The following TMEM184C variants were observed in gnomAD, a reference collection of about 807,000 sequenced individuals.
The protein encoded by TMEM184C is transmembrane protein 184C.
Under a neutral mutation model 54.5 loss-of-function variants are expected in TMEM184C, and 25 were observed. The observed-to-expected ratio is 0.46, with a 90% CI of 0.33 to 0.64. TMEM184C has a LOEUF of 0.64. Ranked by LOEUF, TMEM184C falls within the 30% of genes least tolerant of loss-of-function variation. The pLI, the probability that TMEM184C is intolerant of heterozygous loss-of-function variation, is 0.02. For synonymous variants in TMEM184C, 148 were observed against 181.5 expected (o/e 0.82, Z 1.49); for missense variants, 335 against 520.3 (o/e 0.64, Z 3.46).
At position 147,624,353 on chromosome 4, in the gene TMEM184C, A is replaced by G. The variant is rs189778122; in HGVS notation, c.291+255A>G. Among the ~76,000 whole-genome samples the G allele has an allele frequency of 3.0e-3, 453 of 150,242 alleles. 2 individuals carry two copies. The highest frequency in any genetic ancestry group is 0.014 in the Middle Eastern group (4 of 288). On this transcript the variant is annotated intron_variant, in intron 3 of 9. Transcript: ENST00000296582. ...ATTGTTAAAGAATGTAATATTTTAA[A>G]TTAATATACTACTCTTTTTATTTAT... is the stretch of plus-strand genomic sequence containing the variant.
intron 1 of TMEM184C, among the ~76,000 whole-genome samples, chr4:147,623,509 G>T (rs1578857930): frequency 6.7e-6 from 1 of 149,122 alleles, no homozygotes. Flanking sequence ...ATTGTAAACT[G>T]CTCAACCCTT....
At position 147,617,829 on chromosome 4, in the gene TMEM184C, C is replaced by T. The variant is rs1176287623; in HGVS notation, c.-128C>T. The stretch of plus-strand genomic sequence containing the variant: ...GGTCCAGGAGGCGGCTCGAGCTGTT[C>T]GTAAAGTCGCCCGACAGCTTTTTCT... On this transcript the variant is annotated 5_prime_UTR_variant, in exon 1 of 10. Transcript: ENST00000296582. 9 of 1,371,150 alleles carry T rather than the reference C, an allele frequency of 6.6e-6. No individual in the cohort carries two copies. The highest frequency in any genetic ancestry group is 8.2e-6 in the Non-Finnish European group (8 of 977,246). 84.9% of individuals were successfully genotyped at this position (1,371,150 alleles called of 1,614,324 possible).
intron 1 of TMEM184C, among the ~76,000 whole-genome samples, chr4:147,619,948 C>A (rs1411562338): frequency 1.3e-5 from 2 of 152,188 alleles, no homozygotes. Context: ...CAAGGTCCAA[C>A]ATGATCTGAC....
intron 7 of TMEM184C, 77 bp from the exon 8 acceptor site, chr4:147,632,826 T>C: frequency 1.5e-6 from 2 of 1,373,126 alleles, no homozygotes; most frequent in Non-Finnish European, 2.0e-6. Flanking sequence ...GGATTTTTTT[T>C]TAATGGCACA....
At chr4:147,623,175 G>A (rs1732742888) in intron 1 of TMEM184C, among the ~76,000 whole-genome samples, 1 of 152,244 alleles carries the variant, frequency 6.6e-6, no homozygotes, top group African/African-American at 2.4e-5. Context: ...GGCCGTGCAC[G>A]GTGGCTCATG....
In TMEM184C at chr4:147,632,820, T is replaced by C. The variant is rs1732940987; in HGVS notation, c.780-83T>C. On this transcript the variant is annotated intron_variant, in intron 7 of 9. Transcript: ENST00000296582. ...TGGTGGTACACAGGTTGCACTGGATTTTTTTTTAATGGCACATTTTTAAAA... is the reference window on the plus strand; with the variant it reads ...TGGTGGTACACAGGTTGCACTGGATCTTTTTTTAATGGCACATTTTTAAAA... 3.9e-6 allele frequency: 5 copies of C among 1,289,548 alleles called. 1 individual carries two copies. In the Middle Eastern group the frequency reaches 9.5e-4, roughly 246 times the overall value. 79.9% of individuals were successfully genotyped at this position (1,289,548 alleles called of 1,614,324 possible). A position where few individuals can be genotyped will look rare whatever the true frequency, so the allele number is the denominator to read the frequency against.
Position 147,635,385 on chromosome 4 carries a change from T to G in TMEM184C, c.*951T>G, listed in dbSNP as rs1465847733. The stretch of plus-strand genomic sequence containing the variant: ...GCAGCAAATGTAAATCTTGGCTGAA[T>G]GGTCTTAATTACTCATTAAACCACA... On this transcript the variant is annotated 3_prime_UTR_variant, in exon 10 of 10. Transcript: ENST00000296582. 2 of 152,234 alleles carry G rather than the reference T, an allele frequency of 1.3e-5. No individual in the cohort carries two copies. The highest frequency in any genetic ancestry group is 2.9e-5 in the Non-Finnish European group (2 of 68,052). 9.4% of individuals were successfully genotyped at this position (152,234 alleles called of 1,614,324 possible).
chr4:147,617,912 T>C lies in TMEM184C; in HGVS notation c.-45T>C, dbSNP rs1338334698. On this transcript the variant is annotated 5_prime_UTR_variant, in exon 1 of 10. Transcript: ENST00000296582. Reference sequence around the variant, plus strand: ...AACAGGGCTCCCCATTACAATCTTTTCGAGATCTTTTCCCTTGCTAACCGG... The same window carrying C: ...AACAGGGCTCCCCATTACAATCTTTCCGAGATCTTTTCCCTTGCTAACCGG... 23 of 1,611,556 alleles carry C rather than the reference T, an allele frequency of 1.4e-5. No homozygotes were observed. Among genetic ancestry groups the C allele is most frequent in the Admixed American group, 1.0e-4 (6 of 59,978 alleles).
At chr4:147,630,491 TA>T (rs758490649) in intron 6 of TMEM184C, among the ~76,000 whole-genome samples, 1 of 152,006 alleles carries the variant, frequency 6.6e-6, no homozygotes, top group Non-Finnish European at 1.5e-5. Context: ...TACTTGTAAA[TA>T]ACAAAAGGCT....
Position 147,624,981 on chromosome 4 carries a change from T to C in TMEM184C, c.469T>C (p.Cys157Arg). Residue 157 changes from cysteine to arginine, a missense_variant, in exon 4 of 10, where the codon TGT becomes CGT. Coordinates refer to ENST00000296582, the MANE Select transcript of TMEM184C (RefSeq NM_018241.3). ...TCAACAGAAACATTTCCCTCCTTTA[T>C]GTTGCTGTCCACCATGGGCTATGGG... ...KDQQKHFPPL[C>R]CCPPWAMGEV... The C allele has an allele frequency of 6.2e-7, 1 of 1,613,964 alleles. No individual in the cohort carries two copies. The highest frequency in any genetic ancestry group is 8.5e-7 in the Non-Finnish European group (1 of 1,179,894).
At chr4:147,620,185 A>C (rs1246695242) in intron 1 of TMEM184C, among the ~76,000 whole-genome samples, 1 of 151,358 alleles carries the variant, frequency 6.6e-6, no homozygotes, top group East Asian at 1.9e-4. Context: ...ACTTCCCCCC[A>C]CCCCAACTCT....
In TMEM184C at chr4:147,634,061, C is replaced by T. The variant is rs151302108; in HGVS notation, c.1052-108C>T. ...TTAAAGCAGTACCACAGTGCAGGCT[C>T]ATCAACTTTGGGGAGTGGGAGAGGG... On this transcript the variant is annotated intron_variant, in intron 9 of 9. Transcript: ENST00000296582. The T allele has an allele frequency of 5.3e-4, 798 of 1,515,402 alleles. 6 individuals carry two copies. In the African/African-American group the frequency reaches 9.9e-3, roughly 19 times the overall value. The allele number at this position is 1,515,402 out of a possible 1,614,324, so 93.9% of individuals were successfully genotyped here.
At chr4:147,624,413 T>C (rs566804906) in intron 3 of TMEM184C, among the ~76,000 whole-genome samples, 1 of 150,158 alleles carries the variant, frequency 6.7e-6, no homozygotes, top group East Asian at 1.9e-4. Context: ...TTTAAAAACC[T>C]TCCCCAGTGG....
At chr4:147,624,681 C>T in intron 3 of TMEM184C, 123 bp from the exon 4 acceptor site, 1 of 808,428 alleles carries the variant, frequency 1.2e-6, no homozygotes, top group Non-Finnish European at 1.9e-6. Context: ...TTAGAGAGTC[C>T]CATGTAAGTA....
At chr4:147,628,264 TATC>T (rs1311603099) in intron 4 of TMEM184C, 94 bp from the exon 5 acceptor site, 1 of 874,564 alleles carries the variant, frequency 1.1e-6, no homozygotes, top group Non-Finnish European at 1.8e-6. Context: ...GTAAATATGG[TATC>T]ATTCATCAAA....
rs1316382839 is a variant in TMEM184C, at chr4:147,633,941, G to C, written c.1051+5G>C. On this transcript the variant is annotated splice_donor_5th_base_variant and intron_variant, in intron 9 of 9. Transcript: ENST00000296582. Reference sequence around the variant, plus strand: ...CTGAACAAGTAAGGCATGTTGGTAAGTACCAGCTATTTAATTCAACCAAAT... The same window carrying C: ...CTGAACAAGTAAGGCATGTTGGTAACTACCAGCTATTTAATTCAACCAAAT... 6.2e-7 allele frequency: 1 copy of C among 1,605,644 alleles called. No homozygotes were observed. Among genetic ancestry groups the C allele is most frequent in the South Asian group, 1.1e-5 (1 of 89,580 alleles).
At chr4:147,622,920 G>A (rs191675869) in intron 1 of TMEM184C, among the ~76,000 whole-genome samples, 6 of 152,092 alleles carry the variant, frequency 3.9e-5, no homozygotes, top group Non-Finnish European at 7.4e-5. Context: ...ATGCTTCCAC[G>A]CCTCGCTAAT....
chr4:147,632,241 T>C (rs1360869796), intron 7 of TMEM184C, among the ~76,000 whole-genome samples: 2 of 148,902 alleles, frequency 1.3e-5, no homozygotes, highest in Admixed American at 1.3e-4. Flanking sequence ...ATACACCAAA[T>C]TTAACAAGCT....
chr4:147,620,967 A>G (rs868388686), intron 1 of TMEM184C, among the ~76,000 whole-genome samples: 2 of 152,250 alleles, frequency 1.3e-5, no homozygotes, highest in African/African-American at 2.4e-5. Flanking sequence ...AGAAAATACC[A>G]TAGCCTGAGT....
Sources: allele counts gnomAD v4.1 joint callset (sites outside exome capture counted in the v4.1 genomes callset), GRCh38; gene constraint gnomAD v4.1.1; transcripts MANE v1.5; gene names NCBI Gene and HGNC (gene_info 2026-07-23, HGNC 2026-07-21).